The following SUGCT variants were observed in gnomAD, a reference collection of about 807,000 sequenced individuals.
SUGCT encodes succinyl-CoA:glutarate CoA-transferase.
Under a neutral mutation model 55.0 loss-of-function variants are expected in SUGCT, and 41 were observed. The ratio of observed to expected loss-of-function variants is 0.74; its 90% CI spans 0.58 to 0.97. The LOEUF (loss-of-function observed/expected upper bound fraction) is 0.97. SUGCT is among the 50% of genes least tolerant of loss of function. The pLI, the probability that SUGCT is intolerant of heterozygous loss-of-function variation, is 0.00. For missense variants in SUGCT, 568 were observed against 547.8 expected (o/e 1.04, Z -0.37); for synonymous variants, 187 against 200.4 (o/e 0.93, Z 0.56).
chr7:40,480,835 G>A (rs543105106), intron 11 of SUGCT, among the ~76,000 whole-genome samples: 12 of 152,036 alleles, frequency 7.9e-5, no homozygotes, highest in African/African-American at 2.4e-5. Context: ...TGCCCGGAGA[G>A]GTAGTGATCT....
At chr7:40,750,935 A>C (rs1787982367) in intron 13 of SUGCT, among the ~76,000 whole-genome samples, 1 of 152,224 alleles carries the variant, frequency 6.6e-6, no homozygotes, top group Non-Finnish European at 1.5e-5. Flanking sequence ...AAATACAAAA[A>C]TAAACCAGAC....
chr7:40,551,257 G>T (rs1424267871), intron 12 of SUGCT, among the ~76,000 whole-genome samples: 1 of 152,178 alleles, frequency 6.6e-6, no homozygotes, highest in Non-Finnish European at 1.5e-5. Flanking sequence ...GCATTGAAAA[G>T]TTGATTTCTG....
intron 13 of SUGCT, among the ~76,000 whole-genome samples, chr7:40,800,691 A>G (rs1396000921): frequency 1.3e-5 from 2 of 151,984 alleles, no homozygotes; most frequent in Non-Finnish European, 2.9e-5. Flanking sequence ...AAGTTGCTTT[A>G]TTTCTTTGTT....
At chr7:40,336,062 A>G (rs11773412) in intron 9 of SUGCT, among the ~76,000 whole-genome samples, 90,853 of 151,936 alleles carry the variant, frequency 0.6, 27,447 homozygotes, top group South Asian at 0.71. Flanking sequence ...ATTGATTTGC[A>G]TATGTTGAAC....
intron 12 of SUGCT, among the ~76,000 whole-genome samples, chr7:40,529,584 C>T (rs895587411): frequency 6.6e-6 from 1 of 152,156 alleles, no homozygotes; most frequent in South Asian, 2.1e-4. Flanking sequence ...GCCCTGAGAA[C>T]CCAGAGGAGA....
chr7:40,826,939 C>G (rs1474390607), intron 13 of SUGCT, among the ~76,000 whole-genome samples: 1 of 152,190 alleles, frequency 6.6e-6, no homozygotes, highest in African/African-American at 2.4e-5. Flanking sequence ...GAAAATAAAT[C>G]TGTTTAAGGT....
the SUGCT span, among the ~76,000 whole-genome samples, chr7:40,927,457 T>C: frequency 6.6e-6 from 1 of 152,210 alleles, no homozygotes; most frequent in African/African-American, 2.4e-5. Context: ...GATTCTTGTA[T>C]TGATGCTTGC....
At chr7:40,518,883 T>C (rs571694597) in intron 12 of SUGCT, among the ~76,000 whole-genome samples, 15 of 152,012 alleles carry the variant, frequency 9.9e-5, no homozygotes, top group African/African-American at 3.1e-4. Context: ...GAGTTACAAC[T>C]CAAAAGAATA....
intron 9 of SUGCT, among the ~76,000 whole-genome samples, chr7:40,339,223 G>A (rs529157806): frequency 1.9e-4 from 29 of 152,288 alleles, no homozygotes; most frequent in African/African-American, 5.3e-4. Context: ...CAGTCTTAGC[G>A]TTCTCAGTTC....
At chr7:40,685,334 G>A (rs886311478) in intron 12 of SUGCT, among the ~76,000 whole-genome samples, 1 of 152,092 alleles carries the variant, frequency 6.6e-6, no homozygotes, top group African/African-American at 2.4e-5. Flanking sequence ...TATTCCTCTT[G>A]GAGCCCTCTA....
chr7:40,861,798 C>T (rs1357221484), downstream of SUGCT, among the ~76,000 whole-genome samples: 1 of 152,158 alleles, frequency 6.6e-6, no homozygotes, highest in Non-Finnish European at 1.5e-5. Context: ...TTATTGTCTT[C>T]TCTGCTTTGC....
At chr7:40,826,387 A>G (rs956362250) in intron 13 of SUGCT, among the ~76,000 whole-genome samples, 3 of 152,198 alleles carry the variant, frequency 2.0e-5, no homozygotes, top group African/African-American at 7.2e-5. Context: ...ATACACCTGT[A>G]AGACCAAGCA....
chr7:40,991,228 C>A, the SUGCT span, among the ~76,000 whole-genome samples: 492 of 152,138 alleles, frequency 3.2e-3, 3 homozygotes, highest in African/African-American at 0.011. Flanking sequence ...AATAGGGAGG[C>A]CTGAGGAGAT....
rs534640046 is a variant in SUGCT at position 40,696,851 on chromosome 7, G to A, written c.1090-52583G>A. On this transcript the variant is annotated intron_variant, in intron 12 of 13. Transcript: ENST00000335693. Reference sequence around the variant, plus strand: ...TTTCCAGGACTCAGGAGAGTAAGCAGCCTAGGGAAGGCAAACTAGGGTCTG... The same window carrying A: ...TTTCCAGGACTCAGGAGAGTAAGCAACCTAGGGAAGGCAAACTAGGGTCTG... Among the ~76,000 whole-genome samples the A allele has an allele frequency of 4.6e-5, 7 of 152,274 alleles. 1 individual carries two copies. In the South Asian group the frequency reaches 1.5e-3, roughly 32 times the overall value.
chr7:40,672,331 C>T (rs1801981756), intron 12 of SUGCT, among the ~76,000 whole-genome samples: 1 of 152,122 alleles, frequency 6.6e-6, no homozygotes, highest in South Asian at 2.1e-4. Flanking sequence ...GAACTTTCCT[C>T]TGTGAGATAC....
Position 40,450,853 on chromosome 7 carries a change from C to A in SUGCT, c.888+1495C>A, listed in dbSNP as rs548522900. On this transcript the variant is annotated intron_variant, in intron 10 of 13. Transcript: ENST00000335693. ...TATTATGTACAGAAATTACTTATTA[C>A]TGTGCCTCTTTTGTATGAGAAGGTA... Among the ~76,000 whole-genome samples, 4 of 152,040 alleles carry A rather than the reference C, an allele frequency of 2.6e-5. No homozygotes were observed. In the South Asian group the frequency reaches 8.3e-4, roughly 32 times the overall value.
chr7:40,281,236 GC>G (rs34786735), intron 8 of SUGCT, among the ~76,000 whole-genome samples: 51,713 of 151,864 alleles, frequency 0.34, 8,943 homozygotes, highest in East Asian at 0.46. Flanking sequence ...CTTGAGAAAA[GC>G]CCGTGAATGT....
At chr7:40,881,478 G>A in the SUGCT span, among the ~76,000 whole-genome samples, 1 of 152,176 alleles carries the variant, frequency 6.6e-6, no homozygotes, top group Non-Finnish European at 1.5e-5. Flanking sequence ...TCAGGTACAT[G>A]TTTATGGAAC....
intron 12 of SUGCT, among the ~76,000 whole-genome samples, chr7:40,529,776 T>C (rs753848237): frequency 1.3e-5 from 2 of 152,218 alleles, no homozygotes; most frequent in Non-Finnish European, 2.9e-5. Flanking sequence ...AAAGGAATTA[T>C]GGTTTTTGCC....
Sources: allele counts gnomAD v4.1 joint callset (sites outside exome capture counted in the v4.1 genomes callset), GRCh38; gene constraint gnomAD v4.1.1; transcripts MANE v1.5; gene names NCBI Gene and HGNC (gene_info 2026-07-23, HGNC 2026-07-21).